The following TCF12 variants were observed in gnomAD, a reference collection of about 807,000 sequenced individuals.
TCF12 encodes the protein transcription factor 12, also known as DNA-binding protein HTF4.
In TCF12, 45 loss-of-function variants were observed where a neutral mutation model predicts 86.0. That is an observed-to-expected ratio of 0.52 (90% CI 0.41 to 0.67). The LOEUF (loss-of-function observed/expected upper bound fraction) is 0.67. Ranked by LOEUF, TCF12 falls within the 30% of genes least tolerant of loss-of-function variation. The pLI is 0.00. For missense variants in TCF12, 881 were observed against 859.9 expected (o/e 1.02, Z -0.31); for synonymous variants, 330 against 299.6 (o/e 1.10, Z -1.05).
At chr15:57,078,375 A>G (rs1194633794) in intron 4 of TCF12, among the ~76,000 whole-genome samples, 1 of 152,188 alleles carries the variant, frequency 6.6e-6, no homozygotes, top group East Asian at 1.9e-4. Context: ...CAATGGTACT[A>G]ATCAAACCTT....
intron 3 of TCF12, among the ~76,000 whole-genome samples, chr15:56,994,557 AC>A (rs2063606932): frequency 6.6e-6 from 1 of 152,094 alleles, no homozygotes; most frequent in African/African-American, 2.4e-5. Context: ...CAAGAAAAAA[AC>A]TATTGAAAGC....
At chr15:57,090,944 G>A (rs1233853408) in intron 4 of TCF12, among the ~76,000 whole-genome samples, 4 of 152,162 alleles carry the variant, frequency 2.6e-5, no homozygotes, top group African/African-American at 9.7e-5. Context: ...TCATCACGTA[G>A]TAATTTTGTA....
chr15:57,151,797 A>T (rs1199980617), intron 5 of TCF12, among the ~76,000 whole-genome samples: 1 of 152,076 alleles, frequency 6.6e-6, no homozygotes, highest in Non-Finnish European at 1.5e-5. Context: ...GATAAACTAC[A>T]AACTTTTAAC....
At chr15:57,167,497 G>T (rs571886279) in intron 6 of TCF12, among the ~76,000 whole-genome samples, 2 of 151,970 alleles carry the variant, frequency 1.3e-5, no homozygotes, top group African/African-American at 4.8e-5. Flanking sequence ...GGAGTTGAAG[G>T]CTGCAGTGAC....
At chr15:57,256,988 A>G (rs927554715) in intron 16 of TCF12, among the ~76,000 whole-genome samples, 2 of 152,226 alleles carry the variant, frequency 1.3e-5, no homozygotes, top group Admixed American at 1.3e-4. Context: ...CCAGAGAGTA[A>G]ATATTTTCAG....
chr15:56,988,319 G>C (rs1486608476), intron 3 of TCF12, among the ~76,000 whole-genome samples: 1 of 152,118 alleles, frequency 6.6e-6, no homozygotes, highest in African/African-American at 2.4e-5. Context: ...GGTATAGCCT[G>C]TTGCTCCTAG....
chr15:57,157,445 A>G (rs1407991222), intron 5 of TCF12, among the ~76,000 whole-genome samples: 1 of 152,238 alleles, frequency 6.6e-6, no homozygotes, highest in African/African-American at 2.4e-5. Flanking sequence ...ACAGTGCAAT[A>G]CAGATGTAAA....
At chr15:57,225,677 G>C (rs2441927) in intron 8 of TCF12, among the ~76,000 whole-genome samples, 2 of 152,008 alleles carry the variant, frequency 1.3e-5, no homozygotes, top group South Asian at 4.1e-4. Flanking sequence ...AATTTTCTCT[G>C]ATATCTTCCT....
At chr15:56,923,127 C>G (rs1206698269) in intron 3 of TCF12, among the ~76,000 whole-genome samples, 1 of 151,850 alleles carries the variant, frequency 6.6e-6, no homozygotes, top group Non-Finnish European at 1.5e-5. Flanking sequence ...AAACTACATG[C>G]CATTTGACTT....
chr15:57,116,410 G>T (rs1423273626), intron 5 of TCF12, among the ~76,000 whole-genome samples: 1 of 151,926 alleles, frequency 6.6e-6, no homozygotes, highest in Non-Finnish European at 1.5e-5. Flanking sequence ...CAGTGGCATG[G>T]TCTTGGCTCA....
intron 3 of TCF12, among the ~76,000 whole-genome samples, chr15:57,042,871 T>G (rs1331704635): frequency 6.6e-6 from 1 of 152,192 alleles, no homozygotes; most frequent in Non-Finnish European, 1.5e-5. Flanking sequence ...CTTTAGTACT[T>G]TTTCATCTTG....
chr15:57,126,366 A>G (rs1567474271), intron 5 of TCF12, among the ~76,000 whole-genome samples: 1 of 152,172 alleles, frequency 6.6e-6, no homozygotes, highest in Non-Finnish European at 1.5e-5. Context: ...GTTATTAGCA[A>G]AAATTTGGTT....
chr15:56,998,266 G>A (rs1054093171), intron 3 of TCF12, among the ~76,000 whole-genome samples: 3 of 152,140 alleles, frequency 2.0e-5, no homozygotes, highest in African/African-American at 7.2e-5. Context: ...AGACCAGCCT[G>A]GACAACATGG....
At chr15:57,056,569 C>T (rs2068046053) in intron 3 of TCF12, among the ~76,000 whole-genome samples, 1 of 152,186 alleles carries the variant, frequency 6.6e-6, no homozygotes, top group African/African-American at 2.4e-5. Flanking sequence ...AATCAATCCT[C>T]CAATGTTAAC....
chr15:57,238,206 A>T (rs562958118), intron 12 of TCF12, among the ~76,000 whole-genome samples: 3 of 148,326 alleles, frequency 2.0e-5, no homozygotes, highest in Non-Finnish European at 4.5e-5. Context: ...TTAGACAGTG[A>T]TTTTTTTTTT....
chr15:57,132,762 A>G (rs1158832919), intron 5 of TCF12, among the ~76,000 whole-genome samples: 3 of 152,216 alleles, frequency 2.0e-5, no homozygotes, highest in Non-Finnish European at 4.4e-5. Flanking sequence ...TCATAATACT[A>G]AGTTATCCAA....
chr15:57,133,263 G>A (rs1275639490), intron 5 of TCF12, among the ~76,000 whole-genome samples: 1 of 152,238 alleles, frequency 6.6e-6, no homozygotes, highest in Middle Eastern at 3.2e-3. Context: ...GCTTCAGGTT[G>A]TTTTAGCACT....
At chr15:57,232,674 G>T (rs1450008536) in intron 10 of TCF12, 38 bp from the exon 11 acceptor site, 2 of 1,583,808 alleles carry the variant, frequency 1.3e-6, no homozygotes, top group Non-Finnish European at 1.7e-6. Flanking sequence ...ATATTATTCA[G>T]AAAATATATT....
chr15:56,918,353 C>T, upstream of TCF12: 1 of 425,730 alleles, frequency 2.3e-6, no homozygotes, highest in Non-Finnish European at 4.8e-6. Flanking sequence ...GAGGAGGCGC[C>T]ACGGTACCTG....
Sources: gnomAD v4.1 joint callset for allele counts (sites outside exome capture counted in the v4.1 genomes callset) on GRCh38, gnomAD v4.1.1 for gene constraint, MANE v1.5 for transcripts, NCBI Gene and HGNC (gene_info 2026-07-23, HGNC 2026-07-21) for gene names.